MCPH1: variants seen among roughly 807,000 people sequenced by gnomAD.
MCPH1 encodes the protein microcephalin.
MCPH1 carries 104 observed loss-of-function variants against 84.5 expected under a neutral mutation model. That is an observed-to-expected ratio of 1.23 (90% CI 1.05 to 1.45). The LOEUF (loss-of-function observed/expected upper bound fraction) is 1.45. MCPH1 is among the 40% of genes most tolerant of loss of function. The pLI is 0.00. For synonymous variants in MCPH1, 514 were observed against 366.8 expected (o/e 1.40, Z -4.58); for missense variants, 1,498 against 1,005.7 (o/e 1.49, Z -6.62).
chr8:6,575,059 G>T (rs1334900385), intron 12 of MCPH1, among the ~76,000 whole-genome samples: 1 of 152,166 alleles, frequency 6.6e-6, no homozygotes, highest in East Asian at 1.9e-4. Context: ...GAAGGGGAGA[G>T]CTAGCAGAGA....
At chr8:6,427,087 G>C (rs1271575576) in intron 3 of MCPH1, among the ~76,000 whole-genome samples, 1 of 152,194 alleles carries the variant, frequency 6.6e-6, no homozygotes, top group East Asian at 1.9e-4. Context: ...TACAGCATGT[G>C]CAGTTGTGAA....
chr8:6,423,058 T>A (rs191684335), intron 3 of MCPH1, among the ~76,000 whole-genome samples: 8 of 151,416 alleles, frequency 5.3e-5, no homozygotes, highest in Admixed American at 2.0e-4. Flanking sequence ...TGACCTCAGG[T>A]GATCCGCCCA....
intron 12 of MCPH1, chr8:6,502,933 T>C: frequency 1.4e-6 from 1 of 717,754 alleles, no homozygotes; most frequent in Non-Finnish European, 2.3e-6. Context: ...GATGCAAGTT[T>C]AAGTGATAAA....
chr8:6,471,989 T>C (rs2920656), intron 9 of MCPH1, among the ~76,000 whole-genome samples: 91,533 of 152,100 alleles, frequency 0.6, 30,662 homozygotes, highest in Non-Finnish European at 0.75. Context: ...TACAACAGTA[T>C]TGGCAACTGA....
chr8:6,558,790 C>G (rs1825056814), intron 12 of MCPH1, among the ~76,000 whole-genome samples: 1 of 151,978 alleles, frequency 6.6e-6, no homozygotes, highest in Non-Finnish European at 1.5e-5. Flanking sequence ...TAAACAAAGA[C>G]TACTTGACCA....
intron 12 of MCPH1, among the ~76,000 whole-genome samples, chr8:6,533,415 G>C (rs56268917): frequency 6.6e-6 from 1 of 152,084 alleles, no homozygotes; most frequent in Non-Finnish European, 1.5e-5. Flanking sequence ...TTATAGTCTT[G>C]GTTCTAGGAA....
At chr8:6,626,120 G>C in intron 13 of MCPH1, 1 of 985,380 alleles carries the variant, frequency 1.0e-6, no homozygotes, top group Middle Eastern at 5.2e-4. Context: ...AAAATTGTTA[G>C]TGATTATTTT....
chr8:6,459,358 C>G (rs1299007313), intron 9 of MCPH1, among the ~76,000 whole-genome samples: 1 of 152,122 alleles, frequency 6.6e-6, no homozygotes, highest in East Asian at 1.9e-4. Flanking sequence ...TCACTGCAAC[C>G]TCTGCCTCCC....
chr8:6,482,733 C>G (rs1253427655), intron 11 of MCPH1, among the ~76,000 whole-genome samples: 1 of 152,194 alleles, frequency 6.6e-6, no homozygotes, highest in Non-Finnish European at 1.5e-5. Context: ...TACTCCACAG[C>G]TAATCATACA....
chr8:6,586,923 A>T (rs1828031182), intron 12 of MCPH1, among the ~76,000 whole-genome samples: 1 of 152,154 alleles, frequency 6.6e-6, no homozygotes, highest in South Asian at 2.1e-4. Context: ...TTCCTTTCTG[A>T]TGGAAACAGC....
chr8:6,435,198 T>C (rs1802470526), intron 4 of MCPH1, among the ~76,000 whole-genome samples: 1 of 152,168 alleles, frequency 6.6e-6, no homozygotes, highest in South Asian at 2.1e-4. Context: ...TTTTCTTTGG[T>C]AATTATAAAA....
intron 12 of MCPH1, among the ~76,000 whole-genome samples, chr8:6,586,498 G>C (rs539863204): frequency 6.6e-6 from 1 of 152,174 alleles, no homozygotes; most frequent in Non-Finnish European, 1.5e-5. Context: ...TCCATGCAGT[G>C]CGTGTCTTTA....
At chr8:6,627,197 G>C in intron 13 of MCPH1, 1 of 985,418 alleles carries the variant, frequency 1.0e-6, no homozygotes, top group South Asian at 4.7e-5. Context: ...GAGGCCTCAG[G>C]CCTTCGGGCT....
intron 12 of MCPH1, chr8:6,500,750 G>C (rs1037948649): frequency 6.6e-6 from 1 of 152,156 alleles, no homozygotes; most frequent in Admixed American, 6.5e-5. Context: ...AAAACTGTTT[G>C]TTTGAAATAC....
chr8:6,566,715 T>A (rs1056700469), intron 12 of MCPH1, among the ~76,000 whole-genome samples: 1 of 151,772 alleles, frequency 6.6e-6, no homozygotes, highest in Non-Finnish European at 1.5e-5. Context: ...TGACCGTGTG[T>A]GATCGGCAAG....
chr8:6,428,114 A>G (rs1801331589), intron 3 of MCPH1, among the ~76,000 whole-genome samples: 2 of 151,826 alleles, frequency 1.3e-5, no homozygotes, highest in South Asian at 4.2e-4. Flanking sequence ...TGGCCTTACT[A>G]TAGCTTTTTT....
intron 13 of MCPH1, chr8:6,625,218 AAC>A: frequency 1.0e-6 from 1 of 985,444 alleles, no homozygotes; most frequent in Non-Finnish European, 1.2e-6. Flanking sequence ...TCATGTATAA[AAC>A]AGAGTCATAG....
chr8:6,571,381 TTGTTA>T (rs1191033503), intron 12 of MCPH1, among the ~76,000 whole-genome samples: 1 of 152,200 alleles, frequency 6.6e-6, no homozygotes, highest in Non-Finnish European at 1.5e-5. Flanking sequence ...GTGGGCTTAT[TTGTTA>T]TAAGTCACAT....
At chr8:6,447,067 T>A in intron 8 of MCPH1, 1 of 985,384 alleles carries the variant, frequency 1.0e-6, no homozygotes, top group Non-Finnish European at 1.2e-6. Context: ...TGCGAGAGGA[T>A]CTTCTACAGT....
Sources: gnomAD v4.1 joint callset for allele counts (sites outside exome capture counted in the v4.1 genomes callset) on GRCh38, gnomAD v4.1.1 for gene constraint, MANE v1.5 for transcripts, NCBI Gene and HGNC (gene_info 2026-07-23, HGNC 2026-07-21) for gene names.